FAM228B: variants seen among roughly 807,000 people sequenced by gnomAD.
FAM228B encodes the protein family with sequence similarity 228 member B.
FAM228B carries 38 observed loss-of-function variants against 42.6 expected under a neutral mutation model. The ratio of observed to expected loss-of-function variants is 0.89; its 90% CI spans 0.69 to 1.17. The LOEUF (loss-of-function observed/expected upper bound fraction) is 1.17, where lower values mean the gene tolerates loss of function less well. Ranked by LOEUF, FAM228B falls within the 50% of genes most tolerant of loss-of-function variation. FAM228B has a pLI of 0.00. For missense variants in FAM228B, 344 were observed against 367.3 expected, an observed-to-expected ratio of 0.94 and a Z score of 0.52; for synonymous variants, 109 against 122.3, an observed-to-expected ratio of 0.89 and a Z score of 0.72.
At chr2:24,093,738 C>T (rs1189107571) in intron 2 of FAM228B, among the ~76,000 whole-genome samples, 1 of 151,852 alleles carries the variant, frequency 6.6e-6, no homozygotes, top group African/African-American at 2.4e-5. Flanking sequence ...GCCTTAGCCT[C>T]CCAAGTAGCT....
intron 1 of FAM228B, chr2:24,079,362 A>C: frequency 1.6e-5 from 24 of 1,464,344 alleles, no homozygotes; most frequent in Non-Finnish European, 2.1e-5. Context: ...AATCTAAGGT[A>C]GAGCTTCCTT....
chr2:24,107,049 A>T (rs12713201), intron 3 of FAM228B, among the ~76,000 whole-genome samples: 18,099 of 152,222 alleles, frequency 0.12, 1,259 homozygotes, highest in South Asian at 0.18. Context: ...ACATGTAATG[A>T]CATCTATAGG....
intron 7 of FAM228B, among the ~76,000 whole-genome samples, chr2:24,154,581 G>T (rs946989897): frequency 6.6e-6 from 1 of 152,132 alleles, no homozygotes; most frequent in Non-Finnish European, 1.5e-5. Context: ...ATAAAGTCCA[G>T]CTAATCATCA....
chr2:24,083,059 C>T (rs1016027070), intron 2 of FAM228B: 1 of 1,614,142 alleles, frequency 6.2e-7, no homozygotes, highest in Middle Eastern at 1.6e-4. Flanking sequence ...TTCCAGTGTC[C>T]CTGGCAGCCA....
chr2:24,099,947 G>T (rs1220665876), intron 3 of FAM228B, among the ~76,000 whole-genome samples: 1 of 152,054 alleles, frequency 6.6e-6, no homozygotes, highest in Non-Finnish European at 1.5e-5. Flanking sequence ...CAGAAAAGAG[G>T]CCTCAGAAAT....
At chr2:24,123,252 C>T (rs1231206408), upstream of FAM228B, 1 of 152,194 alleles carries the variant, frequency 6.6e-6, no homozygotes, top group East Asian at 1.9e-4. Flanking sequence ...CGCCACCCCG[C>T]TCTGTGGTGC....
chr2:24,149,693 A>C (rs1380512029), intron 7 of FAM228B, among the ~76,000 whole-genome samples: 1 of 152,188 alleles, frequency 6.6e-6, no homozygotes, highest in Non-Finnish European at 1.5e-5. Flanking sequence ...TCAGCCTCCC[A>C]AAGTGCTGGG....
intron 2 of FAM228B, among the ~76,000 whole-genome samples, chr2:24,126,069 GT>G (rs565993362): frequency 6.6e-6 from 1 of 152,116 alleles, no homozygotes; most frequent in Non-Finnish European, 1.5e-5. Flanking sequence ...TGTTCATCCT[GT>G]TTATGGACAT....
In FAM228B at chr2:24,164,854, G is replaced by A. The variant is rs192447248; in HGVS notation, c.932+519G>A. On this transcript the variant is annotated intron_variant, in intron 9 of 10. Coordinates refer to ENST00000615575, the MANE Select transcript of FAM228B (RefSeq NM_001145710.2). ...GCCAGCAGCAGAGAGGAGCACCCACGCTTCCTCACTCGGCACCTTGTGACT... is the reference window on the plus strand; with the variant it reads ...GCCAGCAGCAGAGAGGAGCACCCACACTTCCTCACTCGGCACCTTGTGACT... Among the ~76,000 whole-genome samples, 479 of 152,230 alleles carry A rather than the reference G, an allele frequency of 3.1e-3. 1 individual carries two copies. The highest frequency in any genetic ancestry group is 0.011 in the African/African-American group (456 of 41,550).
intron 3 of FAM228B, among the ~76,000 whole-genome samples, chr2:24,102,041 A>G (rs982251422): frequency 9.2e-5 from 14 of 152,302 alleles, no homozygotes; most frequent in African/African-American, 2.9e-4. Flanking sequence ...ATTAGATGGG[A>G]AAAAAATTTC....
At position 24,084,063 on chromosome 2, in the gene FAM228B, C is replaced by T; in HGVS notation, c.-210+3108C>T. The T allele has an allele frequency of 7.1e-7, 1 of 1,406,290 alleles. No individual in the cohort carries two copies. Among genetic ancestry groups the T allele is most frequent in the South Asian group, 1.5e-5 (1 of 67,878 alleles). 87.1% of individuals were successfully genotyped at this position (1,406,290 alleles called of 1,614,324 possible). A position where few individuals can be genotyped will look rare whatever the true frequency, so the allele number is the denominator to read the frequency against. On this transcript the variant is annotated intron_variant, in intron 2 of 10. Transcript: ENST00000613899. This position sits in a 1 kb window ranked among gnomAD's most constrained non-coding sequence, Gnocchi z 8.4. The stretch of plus-strand genomic sequence containing the variant: ...CGCCCTGGGTTTAGGTCTGGGAAGC[C>T]CCAGCGCAGCTGCCTGCTGGGTGTG...
In FAM228B at chr2:24,081,040, G is replaced by C. The variant is rs1167608469; in HGVS notation, c.-210+85G>C. The stretch of plus-strand genomic sequence containing the variant: ...TCCAGCCTGAACATTTCCTGTGACA[G>C]AAAGTACAGGGTTCTCTTTACTTTG... On this transcript the variant is annotated intron_variant, in intron 2 of 10. Coordinates refer to the FAM228B transcript ENST00000613899. 5.0e-6 allele frequency: 8 copies of C among 1,610,364 alleles called. No homozygotes were observed. The East Asian group carries it at 1.8e-4, about 36-fold the overall frequency.
rs1487983278 is a variant in FAM228B at position 24,084,345 on chromosome 2, G to C, written c.-210+3390G>C. The stretch of plus-strand genomic sequence containing the variant: ...CTAACATATTGTCTGAGGACACAGG[G>C]CAGGGCAGGGCAGGACAGGACAGGG... On this transcript the variant is annotated intron_variant, in intron 2 of 10. Coordinates refer to the FAM228B transcript ENST00000613899. The surrounding 1 kb of genome is among the most constrained non-coding windows in gnomAD (Gnocchi z 8.4). 1.4e-6 allele frequency: 2 copies of C among 1,406,814 alleles called. No homozygotes were observed. The highest frequency in any genetic ancestry group is 1.9e-6 in the Non-Finnish European group (2 of 1,034,826). 87.1% of individuals were successfully genotyped at this position (1,406,814 alleles called of 1,614,324 possible).
In FAM228B at chr2:24,115,440, A is replaced by C. The variant is rs183810599; in HGVS notation, c.-120-19679A>C. The C allele has an allele frequency of 1.8e-4, 120 of 656,140 alleles. 1 individual carries two copies. In the East Asian group the frequency reaches 2.2e-3, roughly 12 times the overall value. 40.6% of individuals were successfully genotyped at this position (656,140 alleles called of 1,614,324 possible). A position where few individuals can be genotyped will look rare whatever the true frequency, so the allele number is the denominator to read the frequency against. On this transcript the variant is annotated intron_variant, in intron 3 of 10. Transcript: ENST00000613899. ...CCAGTGAAAGAAGAGGATCTCTGGA[A>C]GTAATAAAAATTGCTCCCTTAATTC...
intron 9 of FAM228B, chr2:24,165,307 C>G (rs1396970967): frequency 2.2e-6 from 1 of 461,786 alleles, no homozygotes; most frequent in African/African-American, 2.3e-5. Context: ...CAACCCTGGC[C>G]CTATCCTTAC....
At chr2:24,126,975 A>T (rs147982838) in intron 2 of FAM228B, among the ~76,000 whole-genome samples, 49 of 151,974 alleles carry the variant, frequency 3.2e-4, no homozygotes, top group East Asian at 2.1e-3. Context: ...ATTTTTTTTT[A>T]AATTCAGAAT....
chr2:24,086,234 C>CAAAAAAAAAA (rs57641176), intron 2 of FAM228B, among the ~76,000 whole-genome samples: 29 of 63,892 alleles, frequency 4.5e-4, no homozygotes, highest in South Asian at 6.2e-4. Flanking sequence ...GACTCCGTCT[C>CAAAAAAAAAA]AAAAAAAAAA....
upstream of FAM228B, chr2:24,121,348 T>C (rs749212058): frequency 6.4e-7 from 1 of 1,565,002 alleles, no homozygotes; most frequent in East Asian, 2.3e-5. Flanking sequence ...CTATGGCTGG[T>C]GGCCAGCCAA....
rs1665250152 is a variant in FAM228B at position 24,086,298 on chromosome 2, G to T, written c.-210+5343G>T. On this transcript the variant is annotated intron_variant, in intron 2 of 10. Transcript: ENST00000613899. The stretch of plus-strand genomic sequence containing the variant: ...AGGAATGGATGAAGAAGATTCAATA[G>T]TTAACCAAATAAAAGAATACAGTTT... Among the ~76,000 whole-genome samples, 4 of 150,418 alleles carry T rather than the reference G, an allele frequency of 2.7e-5. 1 individual carries two copies. The South Asian group carries it at 8.4e-4, about 31-fold the overall frequency.
Sources: allele counts gnomAD v4.1 joint callset (sites outside exome capture counted in the v4.1 genomes callset), GRCh38; gene constraint gnomAD v4.1.1; non-coding constraint Gnocchi (gnomAD v3.1); transcripts MANE v1.5; gene names NCBI Gene and HGNC (gene_info 2026-07-23, HGNC 2026-07-21).